Variants in SGCZ observed in about 807,000 individuals in gnomAD.
The protein encoded by SGCZ is sarcoglycan zeta, also known as zeta-sarcoglycan.
A neutral mutation model predicts 41.3 loss-of-function variants in SGCZ; 40 were observed. The observed-to-expected ratio is 0.97, with a 90% confidence interval of 0.75 to 1.26. The LOEUF is 1.26. Ranked by LOEUF, SGCZ falls within the 50% of genes most tolerant of loss-of-function variation. The pLI is 0.00. For synonymous variants in SGCZ, 206 were observed against 137.5 expected, an observed-to-expected ratio of 1.50 and a Z score of -3.49; for missense variants, 552 against 369.8, an observed-to-expected ratio of 1.49 and a Z score of -4.04.
chr8:14,745,129 G>A (rs889392087), intron 1 of SGCZ, among the ~76,000 whole-genome samples: 1 of 151,966 alleles, frequency 6.6e-6, no homozygotes, highest in Non-Finnish European at 1.5e-5. Context: ...CAGTTTCACT[G>A]TGTCTCTACC....
intron 1 of SGCZ, among the ~76,000 whole-genome samples, chr8:15,214,002 ATTAT>A (rs755324891): frequency 1.8e-3 from 280 of 152,188 alleles, no homozygotes; most frequent in Non-Finnish European, 3.1e-3. Flanking sequence ...TGCCTAAGTT[ATTAT>A]TTTATTTTAA....
intron 1 of SGCZ, among the ~76,000 whole-genome samples, chr8:15,061,381 T>A (rs57470035): frequency 0.11 from 16,097 of 151,656 alleles, 1,086 homozygotes; most frequent in East Asian, 0.29. Flanking sequence ...CGGGGCCTGT[T>A]GGGGGTGCGG....
intron 1 of SGCZ, among the ~76,000 whole-genome samples, chr8:14,603,727 A>C (rs1386771265): frequency 6.6e-6 from 1 of 152,164 alleles, no homozygotes; most frequent in Non-Finnish European, 1.5e-5. Flanking sequence ...TTAATTTTTC[A>C]CAGGCTTTCA....
At chr8:14,307,953 C>A (rs564356716) in intron 3 of SGCZ, among the ~76,000 whole-genome samples, 45 of 151,966 alleles carry the variant, frequency 3.0e-4, no homozygotes, top group African/African-American at 1.1e-3. Flanking sequence ...TTGTGTGTAC[C>A]TTTTAGGGGG....
At chr8:14,899,867 A>AGAAGAAGAAGAAAAAGAAGAG (rs754251454) in intron 1 of SGCZ, among the ~76,000 whole-genome samples, 16 of 151,692 alleles carry the variant, frequency 1.1e-4, no homozygotes, top group Non-Finnish European at 1.6e-4. Context: ...AAGAAGAAGA[A>AGAAGAAGAAGAAAAAGAAGAG]GAGGAGGAGG....
chr8:14,747,139 C>T (rs1175151968), intron 1 of SGCZ, among the ~76,000 whole-genome samples: 1 of 152,168 alleles, frequency 6.6e-6, no homozygotes, highest in Non-Finnish European at 1.5e-5. Context: ...ATTTTCTGTT[C>T]AGCTGAAGAT....
chr8:14,098,436 G>T (rs1199596974), intron 7 of SGCZ, among the ~76,000 whole-genome samples: 1 of 152,110 alleles, frequency 6.6e-6, no homozygotes, highest in Non-Finnish European at 1.5e-5. Flanking sequence ...TACACTTGTG[G>T]CTCTCTTCTC....
chr8:14,303,671 C>G (rs961334458), intron 3 of SGCZ, among the ~76,000 whole-genome samples: 7 of 152,114 alleles, frequency 4.6e-5, no homozygotes, highest in African/African-American at 1.7e-4. Flanking sequence ...CCAGTGTCTT[C>G]TTGGTTTTTA....
chr8:14,512,426 A>G (rs1485627861), intron 2 of SGCZ, among the ~76,000 whole-genome samples: 1 of 151,960 alleles, frequency 6.6e-6, no homozygotes. Flanking sequence ...CTCCTTGTGT[A>G]TTAATGTAGA....
rs189686740 is a variant in SGCZ at position 14,376,799 on chromosome 8, A to G, written c.235-52595T>C. 3.1e-3 allele frequency among the ~76,000 whole-genome samples: 469 copies of G among 152,376 alleles called. 3 individuals are homozygous for G. The highest frequency in any genetic ancestry group is 0.01 in the African/African-American group (435 of 41,602). ...CCTAGATAAAATTTTAGCTAGCAGA[A>G]TTCAACATTACATGAAAAAATGATA... is the stretch of plus-strand genomic sequence containing the variant. On this transcript the variant is annotated intron_variant, in intron 2 of 7. Transcript: ENST00000382080.
chr8:15,010,714 G>A (rs570267979), intron 1 of SGCZ, among the ~76,000 whole-genome samples: 1 of 152,208 alleles, frequency 6.6e-6, no homozygotes, highest in East Asian at 1.9e-4. Flanking sequence ...ATAGAGGCTT[G>A]GTATCATTCT....
At chr8:14,935,427 T>A (rs1408841188) in intron 1 of SGCZ, among the ~76,000 whole-genome samples, 1 of 150,572 alleles carries the variant, frequency 6.6e-6, no homozygotes, top group African/African-American at 2.5e-5. Flanking sequence ...GTCACTCTGT[T>A]ATTTTTGTAA....
chr8:14,751,754 T>C (rs928822422), intron 1 of SGCZ, among the ~76,000 whole-genome samples: 1 of 152,000 alleles, frequency 6.6e-6, no homozygotes, highest in African/African-American at 2.4e-5. Flanking sequence ...TTCACCATGT[T>C]AGCCAGGATG....
At position 14,248,834 on chromosome 8, in the gene SGCZ, C is replaced by A. The variant is rs116382951; in HGVS notation, c.337-11155G>T. Among the ~76,000 whole-genome samples the A allele has an allele frequency of 9.9e-3, 1,495 of 151,750 alleles. 31 individuals carry two copies. Among genetic ancestry groups the A allele is most frequent in the African/African-American group, 0.034 (1,420 of 41,372 alleles). The stretch of plus-strand genomic sequence containing the variant: ...ACATTAGGGCCACATATTTAGTTGA[C>A]TTTATGTGCATGTATGCTGTAACTT... On this transcript the variant is annotated intron_variant, in intron 3 of 7. Transcript: ENST00000382080.
intron 1 of SGCZ, among the ~76,000 whole-genome samples, chr8:14,953,530 C>G (rs7387638): frequency 0.59 from 89,697 of 151,944 alleles, 26,935 homozygotes; most frequent in African/African-American, 0.69. Context: ...GTTTTGATCT[C>G]TCTCATGTTA....
intron 1 of SGCZ, among the ~76,000 whole-genome samples, chr8:15,173,082 T>C (rs1799893079): frequency 6.6e-6 from 1 of 152,136 alleles, no homozygotes. Context: ...GTCTAAGGGG[T>C]TGTGTGCAGA....
At chr8:15,097,857 CGT>C (rs774918023) in intron 1 of SGCZ, among the ~76,000 whole-genome samples, 17,621 of 39,128 alleles carry the variant, frequency 0.45, 2,184 homozygotes, top group Non-Finnish European at 0.55. Flanking sequence ...TATATATATA[CGT>C]GTGTGTGTAT....
chr8:14,980,590 A>C (rs987744649), intron 1 of SGCZ, among the ~76,000 whole-genome samples: 3 of 152,204 alleles, frequency 2.0e-5, no homozygotes, highest in Admixed American at 2.0e-4. Flanking sequence ...ACAGAGGAGC[A>C]AGTCACGTCT....
intron 3 of SGCZ, among the ~76,000 whole-genome samples, chr8:14,249,284 G>A (rs1799205699): frequency 6.6e-6 from 1 of 152,120 alleles, no homozygotes; most frequent in Admixed American, 6.6e-5. Context: ...TACACCATTG[G>A]CGCTTTTGAT....
Sources: allele counts gnomAD v4.1 joint callset (sites outside exome capture counted in the v4.1 genomes callset), GRCh38; gene constraint gnomAD v4.1.1; transcripts MANE v1.5; gene names NCBI Gene and HGNC (gene_info 2026-07-23, HGNC 2026-07-21).